The following MAJIN variants were observed in gnomAD, a reference collection of about 807,000 sequenced individuals.
MAJIN encodes membrane-anchored junction protein.
A neutral mutation model predicts 30.2 loss-of-function variants in MAJIN; 27 were observed. The observed-to-expected ratio is 0.89, with a 90% CI of 0.66 to 1.23. MAJIN has a LOEUF of 1.23. Among genes scored for constraint, MAJIN ranks in the 50% most tolerant of loss-of-function variants. MAJIN has a pLI of 0.00. For synonymous variants in MAJIN, 78 were observed against 91.6 expected (o/e 0.85, Z 0.85); for missense variants, 253 against 260.3 (o/e 0.97, Z 0.19).
In MAJIN at chr11:64,952,044, C is replaced by T. The variant is rs371221548; in HGVS notation, c.148-1614G>A. Among the ~76,000 whole-genome samples the T allele has an allele frequency of 3.9e-5, 6 of 152,160 alleles. No individual in the cohort carries two copies. The East Asian group carries it at 5.8e-4, about 15-fold the overall frequency. On this transcript the variant is annotated intron_variant, in intron 4 of 10. Coordinates refer to ENST00000301896, the MANE Select transcript of MAJIN (RefSeq NM_001037225.3). Reference sequence around the variant, plus strand: ...CTAGGATTATAGGCACACACCACCACGCCCAGCTAATTTTTTGTATTTTTA... The same window carrying T: ...CTAGGATTATAGGCACACACCACCATGCCCAGCTAATTTTTTGTATTTTTA...
chr11:64,940,480 C>G, intron 9 of MAJIN, 94 bp downstream of exon 9: 1 of 1,334,784 alleles, frequency 7.5e-7, no homozygotes, highest in South Asian at 1.2e-5. Flanking sequence ...CTGAGGGCAC[C>G]CAGACTCAGC....
At chr11:64,953,156 C>G (rs12274449) in intron 4 of MAJIN, among the ~76,000 whole-genome samples, 2,466 of 152,236 alleles carry the variant, frequency 0.016, 80 homozygotes, top group African/African-American at 0.056. Context: ...AATTATTGAG[C>G]TACTGTGTGG....
chr11:64,969,395 G>A (rs1945861709), intron 1 of MAJIN, among the ~76,000 whole-genome samples: 2 of 151,352 alleles, frequency 1.3e-5, no homozygotes, highest in East Asian at 2.0e-4. Context: ...TTCCTTATAA[G>A]CCAGGTTACA....
chr11:64,942,003 C>T (rs1180446695), intron 8 of MAJIN, among the ~76,000 whole-genome samples: 2 of 152,210 alleles, frequency 1.3e-5, no homozygotes, highest in Non-Finnish European at 2.9e-5. Flanking sequence ...CCATGTGCTG[C>T]TGCTTTATAG....
At position 64,942,676 on chromosome 11, in the gene MAJIN, C is replaced by T. The variant is rs187615146; in HGVS notation, c.474-2030G>A. On this transcript the variant is annotated intron_variant, in intron 8 of 10. Transcript: ENST00000301896. ...AAGCCTCCTCACAAACCGCTCAAATCCCAGACCACATGGGCAGCCACCGAA... is the reference window on the plus strand; with the variant it reads ...AAGCCTCCTCACAAACCGCTCAAATTCCAGACCACATGGGCAGCCACCGAA... 2.8e-3 allele frequency among the ~76,000 whole-genome samples: 420 copies of T among 152,220 alleles called. 1 individual carries two copies. The highest frequency in any genetic ancestry group is 4.9e-3 in the Non-Finnish European group (333 of 68,002).
chr11:64,955,824 GA>G (rs1336752857), intron 3 of MAJIN, among the ~76,000 whole-genome samples: 11 of 152,274 alleles, frequency 7.2e-5, no homozygotes, highest in Admixed American at 7.2e-4. Flanking sequence ...ATAATTCAGT[GA>G]ACCAAAATAT....
At chr11:64,946,146 T>C (rs1307565277) in intron 8 of MAJIN, 1 of 1,535,394 alleles carries the variant, frequency 6.5e-7, no homozygotes, top group Non-Finnish European at 8.7e-7. Context: ...GAAGTCCCTA[T>C]CTTGGCCCTG....
At chr11:64,939,478 C>CA (rs1284989158) in intron 10 of MAJIN, among the ~76,000 whole-genome samples, 184 bp downstream of exon 10, 1 of 152,222 alleles carries the variant, frequency 6.6e-6, no homozygotes, top group Admixed American at 6.5e-5. Flanking sequence ...AAGTAAAACA[C>CA]AGTCTTTATT....
Position 64,947,795 on chromosome 11 carries a change from A to T in MAJIN, c.374T>A (p.Leu125His), listed in dbSNP as rs1446307282. Reference protein sequence around the residue: ...SPGKPISDSPLGLVPVEKKAV... With the variant: ...SPGKPISDSPHGLVPVEKKAV... ...CAGAAAAGGCAAACTTACCAACCCA[A>T]GAGGACTGTCACTTATTGGTTTCCC... is the stretch of plus-strand genomic sequence containing the variant. Residue 125 changes from leucine (L) to histidine (H), a missense_variant, in exon 7 of 11, where the codon CTT (leucine) becomes CAT (histidine). Coordinates refer to ENST00000301896, the MANE Select transcript of MAJIN (RefSeq NM_001037225.3). The T allele has an allele frequency of 6.2e-7, 1 of 1,613,540 alleles. No individual in the cohort carries two copies. Among genetic ancestry groups the T allele is most frequent in the East Asian group, 2.2e-5 (1 of 44,874 alleles).
intron 1 of MAJIN, among the ~76,000 whole-genome samples, chr11:64,961,785 T>TC (rs1203075307): frequency 2.7e-5 from 4 of 149,116 alleles, no homozygotes; most frequent in Non-Finnish European, 5.9e-5. Flanking sequence ...TCTTTTTTTT[T>TC]CTTTTCTTTT....
At chr11:64,939,823 G>T in intron 9 of MAJIN, 56 bp from the exon 10 acceptor site, 1 of 1,518,680 alleles carries the variant, frequency 6.6e-7, no homozygotes, top group Non-Finnish European at 9.1e-7. Context: ...CCGTTTTCAT[G>T]TGAGTAGAAG....
At chr11:64,948,339 G>A (rs963027281) in intron 6 of MAJIN, among the ~76,000 whole-genome samples, 8 of 151,660 alleles carry the variant, frequency 5.3e-5, no homozygotes, top group African/African-American at 1.7e-4. Flanking sequence ...GGGAGGGGAC[G>A]ATCCTTACTA....
At chr11:64,951,390 G>A (rs1231328658) in intron 4 of MAJIN, among the ~76,000 whole-genome samples, 2 of 152,080 alleles carry the variant, frequency 1.3e-5, no homozygotes, top group Non-Finnish European at 2.9e-5. Context: ...CTAAATTTCT[G>A]TGGGGAAAAA....
intron 1 of MAJIN, among the ~76,000 whole-genome samples, chr11:64,964,571 A>G (rs1373070090): frequency 6.6e-6 from 1 of 151,914 alleles, no homozygotes; most frequent in African/African-American, 2.4e-5. Context: ...TTCATTCTGG[A>G]TACAAAAACA....
intron 3 of MAJIN, among the ~76,000 whole-genome samples, chr11:64,955,987 T>C (rs953761144): frequency 1.3e-5 from 2 of 152,002 alleles, no homozygotes; most frequent in Admixed American, 6.6e-5. Flanking sequence ...GCCAACGTGG[T>C]GAAACCCTGT....
chr11:64,971,310 C>T (rs1469067866), intron 1 of MAJIN, among the ~76,000 whole-genome samples: 1 of 151,872 alleles, frequency 6.6e-6, no homozygotes, highest in Non-Finnish European at 1.5e-5. Context: ...GCCTGTAATC[C>T]CAGCTACTCA....
intron 1 of MAJIN, among the ~76,000 whole-genome samples, chr11:64,961,292 C>G (rs1431748896): frequency 6.7e-6 from 1 of 148,790 alleles, no homozygotes; most frequent in East Asian, 2.0e-4. Flanking sequence ...CTCAGCCTCC[C>G]GAGTAGCAGG....
rs767001120 is a variant in MAJIN, at chr11:64,947,826, T to C, written c.350-7A>G. The C allele has an allele frequency of 1.9e-6, 3 of 1,608,016 alleles. No individual in the cohort carries two copies. Among genetic ancestry groups the C allele is most frequent in the Non-Finnish European group, 2.6e-6 (3 of 1,175,742 alleles). On this transcript the variant is annotated splice_polypyrimidine_tract_variant and splice_region_variant and intron_variant, in intron 6 of 10. Transcript: ENST00000301896. ...CTGTCACTTATTGGTTTCCCTACAA[T>C]AGGAAATTTGAGTGTCATAATAGAT...
intron 1 of MAJIN, among the ~76,000 whole-genome samples, chr11:64,961,775 T>A (rs1247716322): frequency 6.9e-5 from 10 of 145,758 alleles, no homozygotes; most frequent in Non-Finnish European, 1.5e-4. Context: ...TGCGCCTGGC[T>A]CTTTTTTTTT....
Sources: allele counts gnomAD v4.1 joint callset (sites outside exome capture counted in the v4.1 genomes callset), GRCh38; gene constraint gnomAD v4.1.1; transcripts MANE v1.5; gene names NCBI Gene and HGNC (gene_info 2026-07-23, HGNC 2026-07-21).